Variants in GALNT13 observed in about 807,000 individuals in gnomAD.
The protein encoded by GALNT13 is UDP-GalNAc:polypeptide N-acetylgalactosaminyltransferase 13.
A neutral mutation model predicts 64.2 loss-of-function variants in GALNT13; 28 were observed. That is an observed-to-expected ratio of 0.44 (90% CI 0.32 to 0.60). The LOEUF is 0.60. Among genes scored for constraint, GALNT13 ranks in the 20% least tolerant of loss-of-function variants. GALNT13 has a pLI of 0.05. For missense variants in GALNT13, 577 were observed against 669.8 expected (o/e 0.86, Z 1.53); for synonymous variants, 214 against 224.6 (o/e 0.95, Z 0.42).
At chr2:153,774,758 C>CA in the GALNT13 span, among the ~76,000 whole-genome samples, 5 of 151,880 alleles carry the variant, frequency 3.3e-5, no homozygotes, top group African/African-American at 1.2e-4. Context: ...CTAAACTAAA[C>CA]AAAAAAACAG....
chr2:153,265,736 T>C, the GALNT13 span, among the ~76,000 whole-genome samples: 1 of 152,220 alleles, frequency 6.6e-6, no homozygotes, highest in Admixed American at 6.5e-5. Flanking sequence ...ACTAGAGGCT[T>C]CTATTCAGCT....
chr2:153,627,573 G>T, the GALNT13 span, among the ~76,000 whole-genome samples: 1 of 152,064 alleles, frequency 6.6e-6, no homozygotes, highest in Non-Finnish European at 1.5e-5. Flanking sequence ...AAATGATCAT[G>T]AAGTAAAAGT....
the GALNT13 span, among the ~76,000 whole-genome samples, chr2:153,634,768 C>A: frequency 6.6e-6 from 1 of 151,852 alleles, no homozygotes; most frequent in Admixed American, 6.6e-5. Context: ...CCAGGCTGGT[C>A]TTGAACTCCT....
At chr2:153,982,804 A>G (rs1694554264) in intron 3 of GALNT13, among the ~76,000 whole-genome samples, 1 of 152,006 alleles carries the variant, frequency 6.6e-6, no homozygotes, top group South Asian at 2.1e-4. Flanking sequence ...TTTATACAAA[A>G]ATAATCCCAA....
At chr2:153,259,770 A>G in the GALNT13 span, among the ~76,000 whole-genome samples, 1 of 152,116 alleles carries the variant, frequency 6.6e-6, no homozygotes, top group Non-Finnish European at 1.5e-5. Flanking sequence ...TTTTCCTTAT[A>G]AATTACCCAG....
the GALNT13 span, among the ~76,000 whole-genome samples, chr2:153,753,235 T>C: frequency 6.6e-6 from 1 of 152,208 alleles, no homozygotes; most frequent in South Asian, 2.1e-4. Context: ...TTCTCCAGGA[T>C]TGGTCGCTGG....
At chr2:154,175,379 A>T (rs1163304417) in intron 4 of GALNT13, among the ~76,000 whole-genome samples, 1 of 152,192 alleles carries the variant, frequency 6.6e-6, no homozygotes, top group Non-Finnish European at 1.5e-5. Context: ...ATGTAATGAG[A>T]TTCATTCATT....
Position 154,253,382 on chromosome 2 carries a change from A to G in GALNT13, c.858-5639A>G, listed in dbSNP as rs1690192004. The stretch of plus-strand genomic sequence containing the variant: ...TGAATAATTAAATGTATTCTGTCAC[A>G]ATTTCTGTTGATTTACCAACTTCTG... On this transcript the variant is annotated intron_variant, in intron 7 of 12. Coordinates refer to ENST00000392825, the MANE Select transcript of GALNT13 (RefSeq NM_052917.4). Among the ~76,000 whole-genome samples, 3 of 152,170 alleles carry G rather than the reference A, an allele frequency of 2.0e-5. No homozygotes were observed. In the South Asian group the frequency reaches 6.2e-4, roughly 31 times the overall value.
chr2:153,088,893 A>G, the GALNT13 span, among the ~76,000 whole-genome samples: 1 of 152,152 alleles, frequency 6.6e-6, no homozygotes, highest in Non-Finnish European at 1.5e-5. Context: ...TGAAGATCTC[A>G]GATACCTTGT....
the GALNT13 span, among the ~76,000 whole-genome samples, chr2:153,308,047 G>A: frequency 6.6e-6 from 1 of 152,016 alleles, no homozygotes; most frequent in Non-Finnish European, 1.5e-5. Flanking sequence ...TATCCCACTT[G>A]AAAAACAAGA....
chr2:153,189,019 C>T, the GALNT13 span, among the ~76,000 whole-genome samples: 1 of 152,112 alleles, frequency 6.6e-6, no homozygotes, highest in Non-Finnish European at 1.5e-5. Flanking sequence ...CTCTTCATTG[C>T]TGTTAATTAT....
intron 3 of GALNT13, among the ~76,000 whole-genome samples, chr2:154,137,411 A>G (rs1272595300): frequency 6.6e-6 from 1 of 152,102 alleles, no homozygotes; most frequent in Admixed American, 6.6e-5. Context: ...TTAACCTGAT[A>G]TTCTTTAAGT....
the GALNT13 span, among the ~76,000 whole-genome samples, chr2:153,391,624 T>C: frequency 3.9e-5 from 6 of 152,116 alleles, no homozygotes; most frequent in Admixed American, 3.3e-4. Context: ...ACCAAGTCCT[T>C]TATCTAAACC....
At chr2:153,419,341 G>A in the GALNT13 span, among the ~76,000 whole-genome samples, 2 of 152,112 alleles carry the variant, frequency 1.3e-5, no homozygotes, top group African/African-American at 2.4e-5. Flanking sequence ...TGACACGTGG[G>A]GATTATGGGA....
chr2:154,394,815 C>A (rs1472300108), intron 9 of GALNT13, among the ~76,000 whole-genome samples: 1 of 152,146 alleles, frequency 6.6e-6, no homozygotes, highest in African/African-American at 2.4e-5. Context: ...TCAATATTTT[C>A]TCTTGGAAGG....
chr2:153,276,712 T>C, the GALNT13 span, among the ~76,000 whole-genome samples: 1 of 152,116 alleles, frequency 6.6e-6, no homozygotes, highest in Admixed American at 6.6e-5. Context: ...TATCCCCCTC[T>C]TATATTGGAT....
chr2:154,412,621 G>GT (rs897241300), intron 11 of GALNT13, among the ~76,000 whole-genome samples: 2 of 151,642 alleles, frequency 1.3e-5, no homozygotes, highest in Non-Finnish European at 3.0e-5. Context: ...TAGTTTAGGG[G>GT]TTTTTTAAGG....
intron 12 of GALNT13, among the ~76,000 whole-genome samples, chr2:154,449,333 A>C (rs1701753517): frequency 1.3e-5 from 2 of 151,554 alleles, no homozygotes; most frequent in Admixed American, 1.3e-4. Context: ...TAATCTAAGC[A>C]AACTACAATC....
chr2:154,323,807 T>C (rs1694743170), intron 9 of GALNT13, among the ~76,000 whole-genome samples: 1 of 151,970 alleles, frequency 6.6e-6, no homozygotes, highest in Admixed American at 6.6e-5. Context: ...AAAAGCAGCA[T>C]ACGTATTCTT....
Sources: gnomAD v4.1 joint callset for allele counts (sites outside exome capture counted in the v4.1 genomes callset) on GRCh38, gnomAD v4.1.1 for gene constraint, MANE v1.5 for transcripts, NCBI Gene and HGNC (gene_info 2026-07-23, HGNC 2026-07-21) for gene names.